SCRG1: variants seen among roughly 807,000 people sequenced by gnomAD.
The protein encoded by SCRG1 is scrapie-responsive protein 1.
A neutral mutation model predicts 7.7 loss-of-function variants in SCRG1; 3 were observed. The observed-to-expected ratio is 0.39, with a 90% CI of 0.18 to 1.01. The LOEUF (loss-of-function observed/expected upper bound fraction) is 1.01, where lower values mean the gene tolerates loss of function less well. SCRG1 is among the 50% of genes least tolerant of loss of function. The pLI is 0.36. For synonymous variants in SCRG1, 46 were observed against 41.2 expected (o/e 1.12, Z -0.44); for missense variants, 110 against 117.2 (o/e 0.94, Z 0.28).
At chr4:173,403,243 A>G (rs1739807940), upstream of SCRG1, 1 of 152,142 alleles carries the variant, frequency 6.6e-6, no homozygotes, top group South Asian at 2.1e-4. Context: ...TAAGAGGGTG[A>G]ACTGATGCCA....
chr4:173,424,052 G>A, the SCRG1 span, among the ~76,000 whole-genome samples: 1 of 152,264 alleles, frequency 6.6e-6, no homozygotes, highest in African/African-American at 2.4e-5. Context: ...GGACCTAATT[G>A]TCTCTTAAAG....
the SCRG1 span, among the ~76,000 whole-genome samples, chr4:173,515,676 C>A: frequency 2.0e-5 from 3 of 152,034 alleles, no homozygotes; most frequent in African/African-American, 7.2e-5. This position sits in a 1 kb window ranked among gnomAD's most constrained non-coding sequence, Gnocchi z 4.6. Flanking sequence ...CTGTGTGTCA[C>A]CCACCTGTGA....
chr4:173,482,953 A>C, the SCRG1 span, among the ~76,000 whole-genome samples: 1 of 134,652 alleles, frequency 7.4e-6, no homozygotes, highest in South Asian at 2.2e-4. Context: ...TATATAATAT[A>C]TTGTACATAT....
chr4:173,457,364 G>C, the SCRG1 span, among the ~76,000 whole-genome samples: 1 of 152,188 alleles, frequency 6.6e-6, no homozygotes. Flanking sequence ...AGGAAAAAGA[G>C]GATATTCTCA....
rs1739274423 is a variant in SCRG1, at chr4:173,387,474, T to C, written c.*867A>G. On this transcript the variant is annotated 3_prime_UTR_variant, in exon 3 of 3. Coordinates refer to ENST00000296506, the MANE Select transcript of SCRG1 (RefSeq NM_007281.4). ...GATCCTCCTACCTCAGCCTCCCAAA[T>C]AGCTGGGACTACAGGTGCATGCCGC... 6.6e-6 allele frequency: 1 copy of C among 152,050 alleles called. No individual in the cohort carries two copies. 9.4% of individuals were successfully genotyped at this position (152,050 alleles called of 1,614,324 possible). A position where few individuals can be genotyped will look rare whatever the true frequency, so the allele number is the denominator to read the frequency against.
At chr4:173,410,409 G>C (rs768889296), upstream of SCRG1, among the ~76,000 whole-genome samples, 3 of 152,198 alleles carry the variant, frequency 2.0e-5, no homozygotes, top group Non-Finnish European at 4.4e-5. Context: ...GCAAGACAAG[G>C]ACTCACTGAA....
At chr4:173,462,668 C>T in the SCRG1 span, among the ~76,000 whole-genome samples, 2 of 152,112 alleles carry the variant, frequency 1.3e-5, no homozygotes, top group African/African-American at 4.8e-5. Flanking sequence ...TATTATAACA[C>T]TGTAACTGTG....
chr4:173,488,648 G>A, the SCRG1 span, among the ~76,000 whole-genome samples: 1 of 152,152 alleles, frequency 6.6e-6, no homozygotes, highest in Non-Finnish European at 1.5e-5. Context: ...CACTACAACT[G>A]CTTTCAATCA....
the SCRG1 span, among the ~76,000 whole-genome samples, chr4:173,475,205 G>A: frequency 1.3e-5 from 2 of 152,216 alleles, no homozygotes; most frequent in East Asian, 1.9e-4. Flanking sequence ...TGGGGAAGCA[G>A]CAAGGATTCA....
chr4:173,463,838 G>A, the SCRG1 span, among the ~76,000 whole-genome samples: 12 of 152,096 alleles, frequency 7.9e-5, no homozygotes, highest in Non-Finnish European at 1.5e-4. Flanking sequence ...GAGTGGGTGG[G>A]GCTCATATAC....
At chr4:173,467,894 GA>G in the SCRG1 span, 1 of 152,374 alleles carries the variant, frequency 6.6e-6, no homozygotes, top group South Asian at 2.1e-4. Flanking sequence ...TCCCCAAGTG[GA>G]AATTGCACCC....
At chr4:173,459,776 G>C in the SCRG1 span, among the ~76,000 whole-genome samples, 1 of 152,114 alleles carries the variant, frequency 6.6e-6, no homozygotes, top group Non-Finnish European at 1.5e-5. Flanking sequence ...GTTGTAAAGA[G>C]GTTGGTTAAT....
the SCRG1 span, among the ~76,000 whole-genome samples, chr4:173,483,831 A>AT: frequency 2.3e-3 from 36 of 15,458 alleles, 4 homozygotes; most frequent in African/African-American, 4.4e-3. Context: ...TAATATATAT[A>AT]ATATATAATA....
the SCRG1 span, among the ~76,000 whole-genome samples, chr4:173,501,267 A>G: frequency 6.6e-6 from 1 of 152,216 alleles, no homozygotes; most frequent in Non-Finnish European, 1.5e-5. The surrounding 1 kb of genome is among the most constrained non-coding windows in gnomAD (Gnocchi z 5.1). Flanking sequence ...AGGGAACAGT[A>G]ACAACCGTGG....
At chr4:173,484,121 C>CAATATATAATATATAATATACAATATAT in the SCRG1 span, among the ~76,000 whole-genome samples, 1 of 45,854 alleles carries the variant, frequency 2.2e-5, no homozygotes, top group Non-Finnish European at 3.9e-5. Flanking sequence ...ATATAATATA[C>CAATATATAATATATAATATACAATATAT]AATATATAAT....
At chr4:173,433,699 T>C in the SCRG1 span, among the ~76,000 whole-genome samples, 1 of 152,224 alleles carries the variant, frequency 6.6e-6, no homozygotes, top group Admixed American at 6.5e-5. Flanking sequence ...GCACTAGTCA[T>C]CTTCTGTCTT....
chr4:173,475,235 T>C, the SCRG1 span, among the ~76,000 whole-genome samples: 1 of 152,236 alleles, frequency 6.6e-6, no homozygotes, highest in Non-Finnish European at 1.5e-5. Context: ...CCAGGGGTTC[T>C]AACCAGGCAG....
the SCRG1 span, among the ~76,000 whole-genome samples, chr4:173,484,664 TATA>T: frequency 1.6e-3 from 140 of 86,488 alleles, no homozygotes; most frequent in African/African-American, 6.2e-3. Flanking sequence ...ATATATTATA[TATA>T]ACATGATGTA....
rs1391684848 is a variant in SCRG1 at position 173,386,179 on chromosome 4, G to A, written c.*2162C>T. ...GGACGGAGTCTCACTCTGTCGCCCAGGCTGGAGTGCAGTGGCACGATCTCA... is the reference window on the plus strand; with the variant it reads ...GGACGGAGTCTCACTCTGTCGCCCAAGCTGGAGTGCAGTGGCACGATCTCA... On this transcript the variant is annotated 3_prime_UTR_variant, in exon 3 of 3. Transcript: ENST00000296506. 6.6e-6 allele frequency: 1 copy of A among 152,456 alleles called. No individual in the cohort carries two copies. The highest frequency in any genetic ancestry group is 2.4e-5 in the African/African-American group (1 of 41,558). 9.4% of individuals were successfully genotyped at this position (152,456 alleles called of 1,614,324 possible). A position where few individuals can be genotyped will look rare whatever the true frequency, so the allele number is the denominator to read the frequency against.
Sources: gnomAD v4.1 joint callset for allele counts (sites outside exome capture counted in the v4.1 genomes callset) on GRCh38, gnomAD v4.1.1 for gene constraint, Gnocchi (gnomAD v3.1) non-coding constraint, MANE v1.5 for transcripts, NCBI Gene and HGNC (gene_info 2026-07-23, HGNC 2026-07-21) for gene names.